The following PAFAH1B2 variants were observed in gnomAD, a reference collection of about 807,000 sequenced individuals.
PAFAH1B2 encodes the protein platelet-activating factor acetylhydrolase IB subunit alpha2.
A neutral mutation model predicts 28.0 loss-of-function variants in PAFAH1B2; 8 were observed. The ratio of observed to expected loss-of-function variants is 0.29; its 90% CI spans 0.17 to 0.52. The LOEUF (loss-of-function observed/expected upper bound fraction) is 0.52, where lower values mean the gene tolerates loss of function less well. Ranked by LOEUF, PAFAH1B2 falls within the 20% of genes least tolerant of loss-of-function variation. PAFAH1B2 has a pLI of 0.97. For missense variants in PAFAH1B2, 190 were observed against 282.6 expected, an observed-to-expected ratio of 0.67 and a Z score of 2.35; for synonymous variants, 104 against 103.2, an observed-to-expected ratio of 1.01 and a Z score of -0.05.
At position 117,163,900 on chromosome 11, in the gene PAFAH1B2, G is replaced by A. The variant is rs977548686; in HGVS notation, c.411+8G>A. On this transcript the variant is annotated splice_region_variant and intron_variant, in intron 5 of 5. Coordinates refer to ENST00000527958, the MANE Select transcript of PAFAH1B2 (RefSeq NM_002572.4). ...GCCAAAATCATTGTATTGGTATGTA[G>A]TCGTTGGTGGGTAGAGAGTTTGTTA... The A allele has an allele frequency of 1.2e-6, 2 of 1,613,428 alleles. No individual in the cohort carries two copies. The highest frequency in any genetic ancestry group is 1.7e-6 in the Non-Finnish European group (2 of 1,179,620).
Position 117,170,337 on chromosome 11 carries a change from C to G in PAFAH1B2, c.*2638C>G. Reference sequence around the variant, plus strand: ...TCCCAGCAAATTTGTATTCCTTCGCCCACGCATTCCTGCTATACTAGATGG... The same window carrying G: ...TCCCAGCAAATTTGTATTCCTTCGCGCACGCATTCCTGCTATACTAGATGG... On this transcript the variant is annotated 3_prime_UTR_variant, in exon 6 of 6. Coordinates refer to ENST00000527958, the MANE Select transcript of PAFAH1B2 (RefSeq NM_002572.4). 1.9e-6 allele frequency: 2 copies of G among 1,060,702 alleles called. No individual in the cohort carries two copies. Among genetic ancestry groups the G allele is most frequent in the Non-Finnish European group, 2.3e-6 (2 of 877,474 alleles). The allele number at this position is 1,060,702 out of a possible 1,614,324, so 65.7% of individuals were successfully genotyped here.
intron 1 of PAFAH1B2, among the ~76,000 whole-genome samples, chr11:117,150,418 A>T (rs7116454): frequency 0.75 from 113,981 of 151,860 alleles, 43,417 homozygotes; most frequent in Non-Finnish European, 0.82. Context: ...CCAAAGTGCT[A>T]GGATTACAGG....
intron 4 of PAFAH1B2, among the ~76,000 whole-genome samples, 194 bp from the exon 5 acceptor site, chr11:117,163,576 G>T (rs1956425821): frequency 6.6e-6 from 1 of 151,996 alleles, no homozygotes; most frequent in Non-Finnish European, 1.5e-5. Context: ...GGGAGGCTGA[G>T]GCAGGAGAAT....
At chr11:117,153,050 G>A (rs12287258) in intron 2 of PAFAH1B2, among the ~76,000 whole-genome samples, 5,952 of 152,208 alleles carry the variant, frequency 0.039, 371 homozygotes, top group African/African-American at 0.13. Flanking sequence ...TGGCAACAGA[G>A]CAAGACTGCA....
At chr11:117,171,733 C>G (rs1409022780), downstream of PAFAH1B2, 6 of 1,535,634 alleles carry the variant, frequency 3.9e-6, no homozygotes, top group Non-Finnish European at 4.4e-6. Context: ...AACTACCAGG[C>G]CAGCAATATT....
chr11:117,164,059 C>T, intron 5 of PAFAH1B2, 167 bp downstream of exon 5: 2 of 654,522 alleles, frequency 3.1e-6, no homozygotes, highest in Non-Finnish European at 5.2e-6. Flanking sequence ...CTGGTTTCAT[C>T]ATTCCCCATA....
chr11:117,175,043 C>T, downstream of PAFAH1B2: 1 of 1,351,500 alleles, frequency 7.4e-7, no homozygotes. Context: ...AGCTCCTCAG[C>T]TGTGTGTTGA....
At position 117,168,817 on chromosome 11, in the gene PAFAH1B2, G is replaced by A. The variant is rs1471662657; in HGVS notation, c.*1118G>A. On this transcript the variant is annotated 3_prime_UTR_variant, in exon 6 of 6. Transcript: ENST00000527958. ...TTTTTGTTTTGTTTTGTTTGAGATG[G>A]AGTTTCACTGTTGCCCAGGCTGGGG... The A allele has an allele frequency of 4.6e-6, 4 of 873,582 alleles. No homozygotes were observed. The highest frequency in any genetic ancestry group is 5.6e-6 in the Non-Finnish European group (4 of 713,178). 54.1% of individuals were successfully genotyped at this position (873,582 alleles called of 1,614,324 possible). A position where few individuals can be genotyped will look rare whatever the true frequency, so the allele number is the denominator to read the frequency against.
Position 117,168,553 on chromosome 11 carries a change from C to G in PAFAH1B2, c.*854C>G. ...TGGAAGTATAGTCTCCAGCCAGTTA[C>G]TCTCATGATAGTACTGCTATAAAAC... On this transcript the variant is annotated 3_prime_UTR_variant, in exon 6 of 6. Transcript: ENST00000527958. 1 of 1,040,908 alleles carries G rather than the reference C, an allele frequency of 9.6e-7. No individual in the cohort carries two copies. The highest frequency in any genetic ancestry group is 1.2e-6 in the Non-Finnish European group (1 of 867,498). The allele number at this position is 1,040,908 out of a possible 1,614,324, so 64.5% of individuals were successfully genotyped here.
Position 117,168,670 on chromosome 11 carries a change from C to A in PAFAH1B2, c.*971C>A, listed in dbSNP as rs1403071566. ...TTGTTTTTCCCTTAAAACCTGTTAA[C>A]AGTTTTTTTTGGGGGTGGGGGGATT... On this transcript the variant is annotated 3_prime_UTR_variant, in exon 6 of 6. Transcript: ENST00000527958. The A allele has an allele frequency of 9.4e-7, 1 of 1,061,330 alleles. No individual in the cohort carries two copies. Among genetic ancestry groups the A allele is most frequent in the East Asian group, 5.1e-5 (1 of 19,774 alleles). The allele number at this position is 1,061,330 out of a possible 1,614,324, so 65.7% of individuals were successfully genotyped here.
Position 117,169,397 on chromosome 11 carries a change from G to A in PAFAH1B2, c.*1698G>A. 2 of 1,051,862 alleles carry A rather than the reference G, an allele frequency of 1.9e-6. No individual in the cohort carries two copies. Among genetic ancestry groups the A allele is most frequent in the Non-Finnish European group, 2.3e-6 (2 of 870,790 alleles). 65.2% of individuals were successfully genotyped at this position (1,051,862 alleles called of 1,614,324 possible). On this transcript the variant is annotated 3_prime_UTR_variant, in exon 6 of 6. Coordinates refer to ENST00000527958, the MANE Select transcript of PAFAH1B2 (RefSeq NM_002572.4). ...TGAACTGGACCAGGTGGGTATTGAA[G>A]TAACCCATCAAAATATGCTCTGCAG...
rs1956570138 is a variant in PAFAH1B2, at chr11:117,168,460, T to TTTTTTTTTTG, written c.*770_*771insGTTTTTTTTT. 1.0e-6 allele frequency: 1 copy of TTTTTTTTTTG among 963,760 alleles called. No homozygotes were observed. The highest frequency in any genetic ancestry group is 1.8e-5 in the African/African-American group (1 of 54,668). 59.7% of individuals were successfully genotyped at this position (963,760 alleles called of 1,614,324 possible). ...CCCGCCACCCCGTTTTTTTTTTTTT[T>TTTTTTTTTTG]TTTTTTTTTTTGGTTCTTGTTGACA... is the stretch of plus-strand genomic sequence containing the variant. On this transcript the variant is annotated 3_prime_UTR_variant, in exon 6 of 6. Coordinates refer to ENST00000527958, the MANE Select transcript of PAFAH1B2 (RefSeq NM_002572.4).
chr11:117,148,794 T>C (rs1956074183), intron 1 of PAFAH1B2, among the ~76,000 whole-genome samples: 1 of 152,130 alleles, frequency 6.6e-6, no homozygotes, highest in South Asian at 2.1e-4. Flanking sequence ...ATATAGATCA[T>C]TGGTCTTGAA....
intron 2 of PAFAH1B2, among the ~76,000 whole-genome samples, chr11:117,153,473 C>G (rs948609155): frequency 6.6e-6 from 1 of 152,122 alleles, no homozygotes; most frequent in Non-Finnish European, 1.5e-5. Context: ...CCTCCACCCC[C>G]CTGCCACCCT....
chr11:117,164,035 AT>A (rs1565271413), intron 5 of PAFAH1B2, 143 bp downstream of exon 5: 1 of 783,146 alleles, frequency 1.3e-6, no homozygotes, highest in Non-Finnish European at 2.1e-6. Flanking sequence ...TCTTTAATGT[AT>A]TTTACTGTCT....
downstream of PAFAH1B2, among the ~76,000 whole-genome samples, chr11:117,174,202 GTGT>G (rs1956731366): frequency 6.7e-6 from 1 of 149,540 alleles, no homozygotes; most frequent in African/African-American, 2.5e-5. Flanking sequence ...GTGTGTGTGT[GTGT>G]GGCAGTTTCA....
chr11:117,170,545 C>G lies in PAFAH1B2; in HGVS notation c.*2846C>G. 1.9e-6 allele frequency: 2 copies of G among 1,054,684 alleles called. No homozygotes were observed. The highest frequency in any genetic ancestry group is 2.3e-6 in the Non-Finnish European group (2 of 874,382). 65.3% of individuals were successfully genotyped at this position (1,054,684 alleles called of 1,614,324 possible). ...AACTGTCAGGGGCATCTGCCTAAACCAGAATCTTTTGTCAGAAACCTTAAC... is the reference window on the plus strand; with the variant it reads ...AACTGTCAGGGGCATCTGCCTAAACGAGAATCTTTTGTCAGAAACCTTAAC... On this transcript the variant is annotated 3_prime_UTR_variant, in exon 6 of 6. Transcript: ENST00000527958.
At chr11:117,153,600 A>G (rs1275150324) in intron 2 of PAFAH1B2, among the ~76,000 whole-genome samples, 1 of 152,124 alleles carries the variant, frequency 6.6e-6, no homozygotes, top group East Asian at 1.9e-4. Context: ...CATGTTGGCC[A>G]GGCTGGTTTC....
intron 2 of PAFAH1B2, among the ~76,000 whole-genome samples, chr11:117,158,447 T>C (rs1161273395): frequency 2.0e-5 from 3 of 152,066 alleles, no homozygotes; most frequent in Non-Finnish European, 4.4e-5. Context: ...AAGGATTGAG[T>C]CCTAGTTTGC....
Sources: allele counts gnomAD v4.1 joint callset (sites outside exome capture counted in the v4.1 genomes callset), GRCh38; gene constraint gnomAD v4.1.1; transcripts MANE v1.5; gene names NCBI Gene and HGNC (gene_info 2026-07-23, HGNC 2026-07-21).